Variants in COL11A1 observed in about 807,000 individuals in gnomAD.
The protein encoded by COL11A1 is collagen alpha-1(XI) chain.
COL11A1 carries 74 observed loss-of-function variants against 265.2 expected under a neutral mutation model. The observed-to-expected ratio is 0.28, with a 90% CI of 0.23 to 0.34. The LOEUF (loss-of-function observed/expected upper bound fraction) is 0.34. COL11A1 is among the 10% of genes least tolerant of loss of function. The probability of loss-of-function intolerance (pLI) is 1.00; values close to 1 mark genes in which losing one functional copy is unlikely to be tolerated. For missense variants in COL11A1, 2,165 were observed against 2,263.6 expected (o/e 0.96, Z 0.88); for synonymous variants, 816 against 727.6 (o/e 1.12, Z -1.96).
intron 6 of COL11A1, 123 bp from the exon 7 acceptor site, chr1:103,025,736 T>C: frequency 2.5e-6 from 4 of 1,595,908 alleles, no homozygotes; most frequent in Non-Finnish European, 3.4e-6. Context: ...GTTAAGACTA[T>C]GATTCATGAT....
At chr1:102,992,956 C>T (rs1342386504) in intron 28 of COL11A1, among the ~76,000 whole-genome samples, 3 of 151,902 alleles carry the variant, frequency 2.0e-5, no homozygotes, top group Non-Finnish European at 2.9e-5. Flanking sequence ...TTCCTATGTA[C>T]AAAAAATGTA....
At chr1:102,896,589 C>T (rs571486224) in intron 57 of COL11A1, among the ~76,000 whole-genome samples, 16 of 152,310 alleles carry the variant, frequency 1.1e-4, no homozygotes, top group South Asian at 2.1e-4. Flanking sequence ...TGTGCCCATG[C>T]AGCCCACTTC....
intron 36 of COL11A1, among the ~76,000 whole-genome samples, chr1:102,971,788 G>A (rs778525093): frequency 2.8e-4 from 42 of 151,794 alleles, no homozygotes; most frequent in African/African-American, 9.0e-4. Context: ...ATTAAAATCC[G>A]TTATGCTACT....
At chr1:103,080,085 T>C (rs1376034545) in intron 2 of COL11A1, among the ~76,000 whole-genome samples, 1 of 151,894 alleles carries the variant, frequency 6.6e-6, no homozygotes, top group South Asian at 2.1e-4. Flanking sequence ...AATACAAATA[T>C]GTATGGTATG....
At chr1:102,985,793 A>G (rs531859943) in intron 30 of COL11A1, among the ~76,000 whole-genome samples, 1 of 152,292 alleles carries the variant, frequency 6.6e-6, no homozygotes, top group African/African-American at 2.4e-5. Context: ...AGGTCCCAGG[A>G]TACCCTTTTA....
intron 53 of COL11A1, 93 bp from the exon 54 acceptor site, chr1:102,912,305 T>C (rs1654784345): frequency 3.2e-6 from 3 of 931,284 alleles, no homozygotes; most frequent in Non-Finnish European, 4.9e-6. Context: ...CAACCCTCTT[T>C]CTTCATTTCC....
intron 5 of COL11A1, among the ~76,000 whole-genome samples, chr1:103,028,445 A>G (rs533310737): frequency 3.3e-4 from 51 of 152,294 alleles, no homozygotes; most frequent in African/African-American, 1.2e-3. Flanking sequence ...TATTCGCAAT[A>G]TATATACATT....
intron 4 of COL11A1, among the ~76,000 whole-genome samples, chr1:103,074,108 A>C (rs1671788471): frequency 6.6e-6 from 1 of 152,076 alleles, no homozygotes; most frequent in African/African-American, 2.4e-5. Flanking sequence ...TAATTAGTGA[A>C]ATATAATTTG....
At position 103,003,181 on chromosome 1, in the gene COL11A1, C is replaced by T. The variant is rs199882324; in HGVS notation, c.1998+34G>A. ...CTAAAAGGTTGGCAACAAGCTTTCC[C>T]TAGAAAATCTTCAATGTTTCCAGCA... On this transcript the variant is annotated intron_variant, in intron 21 of 66. Coordinates refer to ENST00000370096, the MANE Select transcript of COL11A1 (RefSeq NM_001854.4). 6.9e-5 allele frequency: 111 copies of T among 1,610,942 alleles called. No individual in the cohort carries two copies. In the African/African-American group the frequency reaches 1.3e-3, roughly 19 times the overall value.
chr1:102,908,987 T>C (rs1654326307), intron 54 of COL11A1, among the ~76,000 whole-genome samples: 1 of 152,188 alleles, frequency 6.6e-6, no homozygotes, highest in African/African-American at 2.4e-5. Context: ...AATTTCACAA[T>C]ATCATGTAAT....
In COL11A1 at chr1:103,074,955, A is replaced by G. The variant is rs946285375; in HGVS notation, c.489-175T>C. On this transcript the variant is annotated intron_variant, in intron 3 of 66. Coordinates refer to ENST00000370096, the MANE Select transcript of COL11A1 (RefSeq NM_001854.4). ...CAGATGACTACTTACTCGTTACCCA[A>G]CAGTACTAGGTACCCAAAAGGACAC... Among the ~76,000 whole-genome samples, 72 of 152,100 alleles carry G rather than the reference A, an allele frequency of 4.7e-4. 1 individual carries two copies. The highest frequency in any genetic ancestry group is 8.8e-5 in the Non-Finnish European group (6 of 67,998).
intron 5 of COL11A1, 98 bp downstream of exon 5, chr1:103,031,018 T>G (rs931234697): frequency 1.5e-6 from 2 of 1,368,600 alleles, no homozygotes; most frequent in Non-Finnish European, 2.0e-6. Context: ...AAAGCATAGC[T>G]TAATTAAAAT....
intron 4 of COL11A1, among the ~76,000 whole-genome samples, chr1:103,066,991 T>A (rs1483622999): frequency 6.6e-6 from 1 of 151,700 alleles, no homozygotes; most frequent in Admixed American, 6.6e-5. Context: ...CTAACAATGA[T>A]AAATGTGCAC....
chr1:102,934,027 A>G (rs371246144), intron 46 of COL11A1, among the ~76,000 whole-genome samples: 1 of 152,114 alleles, frequency 6.6e-6, no homozygotes, highest in Non-Finnish European at 1.5e-5. Context: ...ACCTCAGATG[A>G]AAATGCAGAA....
intron 7 of COL11A1, among the ~76,000 whole-genome samples, chr1:103,024,377 G>A (rs140850599): frequency 1.5e-3 from 234 of 152,228 alleles, no homozygotes; most frequent in African/African-American, 4.7e-3. Flanking sequence ...TCATTTTTAA[G>A]TAACTCATTT....
chr1:102,984,999 C>A (rs906949282), intron 30 of COL11A1, among the ~76,000 whole-genome samples: 14 of 151,670 alleles, frequency 9.2e-5, no homozygotes, highest in African/African-American at 3.4e-4. Context: ...CCTATGATTT[C>A]TATCTGAACA....
At chr1:103,004,308 G>A (rs572458857) in intron 20 of COL11A1, 136 bp downstream of exon 20, 9 of 646,112 alleles carry the variant, frequency 1.4e-5, no homozygotes, top group Middle Eastern at 4.4e-4. Flanking sequence ...AATTTTTTTC[G>A]CATGGCAATT....
chr1:103,036,874 C>G (rs2102024801), intron 4 of COL11A1, among the ~76,000 whole-genome samples: 1 of 152,096 alleles, frequency 6.6e-6, no homozygotes, highest in African/African-American at 2.4e-5. Context: ...TGATCTCCAG[C>G]TGTGTCAACT....
At chr1:103,088,131 TTTGA>T (rs1169453598) in intron 1 of COL11A1, among the ~76,000 whole-genome samples, 1 of 152,304 alleles carries the variant, frequency 6.6e-6, no homozygotes, top group Non-Finnish European at 1.5e-5. Context: ...CTCATAATAC[TTTGA>T]TTGTTTCATC....
Sources: allele counts gnomAD v4.1 joint callset (sites outside exome capture counted in the v4.1 genomes callset), GRCh38; gene constraint gnomAD v4.1.1; transcripts MANE v1.5; gene names NCBI Gene and HGNC (gene_info 2026-07-23, HGNC 2026-07-21).